ROBO2: variants seen among roughly 807,000 people sequenced by gnomAD.
The protein encoded by ROBO2 is roundabout homolog 2.
A neutral mutation model predicts 160.8 loss-of-function variants in ROBO2; 53 were observed. That is an observed-to-expected ratio of 0.33 (90% CI 0.26 to 0.41). The LOEUF (loss-of-function observed/expected upper bound fraction) is 0.41, where lower values mean the gene tolerates loss of function less well. Ranked by LOEUF, ROBO2 falls within the 10% of genes least tolerant of loss-of-function variation. The probability of loss-of-function intolerance (pLI) is 1.00; values close to 1 mark genes in which losing one functional copy is unlikely to be tolerated. For synonymous variants in ROBO2, 664 were observed against 611.7 expected, an observed-to-expected ratio of 1.09 and a Z score of -1.26; for missense variants, 1,577 against 1,722.4, an observed-to-expected ratio of 0.92 and a Z score of 1.49.
intron 2 of ROBO2, among the ~76,000 whole-genome samples, chr3:77,119,174 A>C (rs2074496879): frequency 6.6e-6 from 1 of 152,124 alleles, no homozygotes; most frequent in African/African-American, 2.4e-5. Context: ...CATGATTGTA[A>C]GTTTCCTGAG....
chr3:76,927,567 A>C (rs1435805493), intron 2 of ROBO2, among the ~76,000 whole-genome samples: 1 of 152,210 alleles, frequency 6.6e-6, no homozygotes, highest in African/African-American at 2.4e-5. Context: ...TCAAGGAAAG[A>C]AATACCATTT....
intron 13 of ROBO2, 69 bp from the exon 15 acceptor site, chr3:77,574,430 A>T: frequency 1.5e-6 from 2 of 1,310,944 alleles, no homozygotes; most frequent in Non-Finnish European, 2.2e-6. Context: ...AAATGAAAAG[A>T]GGACAAATTC....
intron 2 of ROBO2, among the ~76,000 whole-genome samples, chr3:76,510,856 A>G (rs1017384444): frequency 6.6e-6 from 1 of 152,224 alleles, no homozygotes; most frequent in Non-Finnish European, 1.5e-5. Flanking sequence ...CAATGAACAC[A>G]TGCCACCTAA....
At chr3:76,525,602 G>C (rs2081907114) in intron 2 of ROBO2, among the ~76,000 whole-genome samples, 1 of 151,892 alleles carries the variant, frequency 6.6e-6, no homozygotes, top group Admixed American at 6.6e-5. Context: ...CTCAACCAAT[G>C]TGGCCAAATT....
chr3:76,716,812 T>C lies in ROBO2; in HGVS notation c.110-381202T>C, dbSNP rs550704710. Among the ~76,000 whole-genome samples the C allele has an allele frequency of 1.1e-4, 16 of 152,324 alleles. No individual in the cohort carries two copies. The South Asian group carries it at 3.1e-3, about 30-fold the overall frequency. On this transcript the variant is annotated intron_variant, in intron 2 of 26. Coordinates refer to the ROBO2 transcript ENST00000487694. ...CTGTAGGGTATCTTTGAGTGCTTCATGGGATGGCCAGTGGCAAGCTCTGCC... is the reference window on the plus strand; with the variant it reads ...CTGTAGGGTATCTTTGAGTGCTTCACGGGATGGCCAGTGGCAAGCTCTGCC...
At chr3:77,239,361 G>C (rs1018556549) in intron 2 of ROBO2, among the ~76,000 whole-genome samples, 2 of 152,110 alleles carry the variant, frequency 1.3e-5, no homozygotes, top group African/African-American at 4.8e-5. Flanking sequence ...CGGTGGGCTT[G>C]TGGTCTCCCT....
chr3:76,064,017 G>T (rs576925887), intron 2 of ROBO2, among the ~76,000 whole-genome samples: 2 of 152,166 alleles, frequency 1.3e-5, no homozygotes, highest in African/African-American at 4.8e-5. Context: ...AGCAACTCTC[G>T]TTGACAACCA....
chr3:76,355,517 G>A (rs992858039), intron 2 of ROBO2, among the ~76,000 whole-genome samples: 1 of 151,704 alleles, frequency 6.6e-6, no homozygotes, highest in Admixed American at 6.6e-5. Flanking sequence ...GTTGAGCTAT[G>A]AGCTCATGGT....
intron 2 of ROBO2, among the ~76,000 whole-genome samples, chr3:76,748,305 GAA>G (rs1373987895): frequency 2.0e-5 from 3 of 149,612 alleles, no homozygotes; most frequent in Non-Finnish European, 4.5e-5. Context: ...TAAAAATAAA[GAA>G]ATCAAAATAC....
intron 2 of ROBO2, among the ~76,000 whole-genome samples, chr3:76,076,299 G>A (rs2068643775): frequency 1.3e-5 from 2 of 152,114 alleles, no homozygotes; most frequent in African/African-American, 4.8e-5. Context: ...TAACCCAGAA[G>A]AAAATTGCAA....
chr3:76,043,352 T>G (rs545866920), intron 2 of ROBO2, among the ~76,000 whole-genome samples: 1 of 151,942 alleles, frequency 6.6e-6, no homozygotes, highest in African/African-American at 2.4e-5. Context: ...GCCTCACTTT[T>G]TGCTGCTTTG....
intron 2 of ROBO2, among the ~76,000 whole-genome samples, chr3:76,230,333 T>C (rs1445442178): frequency 2.0e-5 from 3 of 152,126 alleles, no homozygotes; most frequent in South Asian, 4.1e-4. Flanking sequence ...AAAAAATGGC[T>C]TTCCTTTACA....
At chr3:76,491,022 C>T (rs960765218) in intron 2 of ROBO2, among the ~76,000 whole-genome samples, 3 of 151,430 alleles carry the variant, frequency 2.0e-5, no homozygotes, top group Non-Finnish European at 2.9e-5. Flanking sequence ...TGCAGTGGTG[C>T]GATCTTGGCT....
At chr3:76,173,609 A>G (rs1034396725) in intron 2 of ROBO2, among the ~76,000 whole-genome samples, 2 of 151,846 alleles carry the variant, frequency 1.3e-5, no homozygotes, top group African/African-American at 2.4e-5. Flanking sequence ...GAGAACATTC[A>G]GTCTTTGGTT....
At chr3:76,446,173 A>T (rs1192771201) in intron 2 of ROBO2, among the ~76,000 whole-genome samples, 3 of 152,204 alleles carry the variant, frequency 2.0e-5, no homozygotes, top group Non-Finnish European at 4.4e-5. Context: ...CCTTAATCTG[A>T]TAAGCAACTT....
intron 2 of ROBO2, among the ~76,000 whole-genome samples, chr3:76,468,649 A>G (rs1005221199): frequency 5.3e-5 from 8 of 152,002 alleles, no homozygotes; most frequent in Non-Finnish European, 1.5e-5. Flanking sequence ...CTTATTTCTC[A>G]GCAACACTTG....
At chr3:77,052,807 A>G (rs1376415209) in intron 1 of ROBO2, among the ~76,000 whole-genome samples, 1 of 152,294 alleles carries the variant, frequency 6.6e-6, no homozygotes, top group South Asian at 2.1e-4. Flanking sequence ...GATCTATTTG[A>G]CAACAGCCAA....
intron 2 of ROBO2, among the ~76,000 whole-genome samples, chr3:75,952,414 T>C (rs1355069470): frequency 6.6e-6 from 1 of 152,024 alleles, no homozygotes; most frequent in African/African-American, 2.4e-5. Flanking sequence ...AGCATAATTA[T>C]CAGTCACTTA....
At chr3:76,291,512 C>A (rs1469441040) in intron 2 of ROBO2, among the ~76,000 whole-genome samples, 1 of 152,018 alleles carries the variant, frequency 6.6e-6, no homozygotes, top group African/African-American at 2.4e-5. Flanking sequence ...TGATTTCCTG[C>A]CTCTTCATTT....
Sources: allele counts gnomAD v4.1 joint callset (sites outside exome capture counted in the v4.1 genomes callset), GRCh38; gene constraint gnomAD v4.1.1; transcripts MANE v1.5; gene names NCBI Gene and HGNC (gene_info 2026-07-23, HGNC 2026-07-21).